THSD7A: variants seen among roughly 807,000 people sequenced by gnomAD.
THSD7A encodes the protein thrombospondin type-1 domain-containing protein 7A.
In THSD7A, 96 loss-of-function variants were observed where a neutral mutation model predicts 231.3. The observed-to-expected ratio is 0.41, with a 90% CI of 0.35 to 0.49. The LOEUF is 0.49. Among genes scored for constraint, THSD7A ranks in the 20% least tolerant of loss-of-function variants. THSD7A has a pLI of 0.05. For synonymous variants in THSD7A, 940 were observed against 743.3 expected, an observed-to-expected ratio of 1.26 and a Z score of -4.30; for missense variants, 2,290 against 2,070.2, an observed-to-expected ratio of 1.11 and a Z score of -2.06.
intron 3 of THSD7A, among the ~76,000 whole-genome samples, chr7:11,592,884 T>A (rs572794214): frequency 6.6e-6 from 1 of 152,210 alleles, no homozygotes; most frequent in Admixed American, 6.5e-5. Context: ...AATAAAATTG[T>A]ATTGGAACAC....
At chr7:11,481,423 A>G (rs1369983644) in intron 7 of THSD7A, among the ~76,000 whole-genome samples, 1 of 152,178 alleles carries the variant, frequency 6.6e-6, no homozygotes, top group Admixed American at 6.5e-5. Flanking sequence ...GATTTTCAAA[A>G]GATAAAACTG....
intron 1 of THSD7A, among the ~76,000 whole-genome samples, chr7:11,701,361 A>T (rs1221448722): frequency 1.3e-5 from 2 of 151,308 alleles, no homozygotes; most frequent in African/African-American, 4.8e-5. Context: ...CCATTTGAAG[A>T]CTGAAGCTCT....
chr7:11,631,672 CA>C (rs1781659634), intron 2 of THSD7A, among the ~76,000 whole-genome samples: 1 of 152,028 alleles, frequency 6.6e-6, no homozygotes, highest in Non-Finnish European at 1.5e-5. Context: ...AAAACAAACA[CA>C]AAAACAAACA....
intron 1 of THSD7A, among the ~76,000 whole-genome samples, chr7:11,737,219 C>A (rs752726181): frequency 8.6e-5 from 13 of 152,006 alleles, no homozygotes; most frequent in Non-Finnish European, 1.6e-4. Context: ...ATTTTATACA[C>A]CTGAATACAA....
chr7:11,683,980 C>T (rs958352697), intron 1 of THSD7A, among the ~76,000 whole-genome samples: 1 of 151,966 alleles, frequency 6.6e-6, no homozygotes, highest in African/African-American at 2.4e-5. Flanking sequence ...CAAATATCCT[C>T]TACAAAATAT....
Position 11,492,366 on chromosome 7 carries a change from A to T in THSD7A, c.1823-10384T>A, listed in dbSNP as rs190460104. On this transcript the variant is annotated intron_variant, in intron 6 of 27. Coordinates refer to ENST00000423059, the MANE Select transcript of THSD7A (RefSeq NM_015204.3). ...ATAAAAATAAAAAGAAAGTATAGTT[A>T]TACCACATATTCCACAGACAGTTAT... is the stretch of plus-strand genomic sequence containing the variant. Among the ~76,000 whole-genome samples, 240 of 152,172 alleles carry T rather than the reference A, an allele frequency of 1.6e-3. 1 individual carries two copies. The highest frequency in any genetic ancestry group is 5.5e-3 in the African/African-American group (229 of 41,548).
At chr7:11,679,797 T>A (rs1053824224) in intron 1 of THSD7A, among the ~76,000 whole-genome samples, 1 of 152,122 alleles carries the variant, frequency 6.6e-6, no homozygotes, top group African/African-American at 2.4e-5. Context: ...TTTAATGCTA[T>A]CCTGATCAAG....
chr7:11,575,104 G>C (rs12699243), intron 4 of THSD7A, among the ~76,000 whole-genome samples: 28,923 of 152,058 alleles, frequency 0.19, 2,888 homozygotes, highest in East Asian at 0.25. Context: ...GTAAATAAAT[G>C]TAAAACACTT....
intron 1 of THSD7A, among the ~76,000 whole-genome samples, chr7:11,698,293 G>A (rs993191129): frequency 6.6e-6 from 1 of 151,204 alleles, no homozygotes; most frequent in Non-Finnish European, 1.5e-5. Context: ...TGTTGGTTGT[G>A]GAGAATTTAA....
At chr7:11,529,448 C>G (rs1484391602) in intron 6 of THSD7A, among the ~76,000 whole-genome samples, 1 of 152,090 alleles carries the variant, frequency 6.6e-6, no homozygotes, top group Non-Finnish European at 1.5e-5. Flanking sequence ...CAAATCTCAT[C>G]TTGAATTGTA....
intron 1 of THSD7A, among the ~76,000 whole-genome samples, chr7:11,753,477 C>T (rs2128165575): frequency 6.6e-6 from 1 of 152,004 alleles, no homozygotes; most frequent in African/African-American, 2.4e-5. Flanking sequence ...ATAGCTTAAA[C>T]TTAGGGGGTG....
rs1377090584 is a variant in THSD7A at position 11,372,750 on chromosome 7, G to C, written c.*3044C>G. 2 of 151,878 alleles carry C rather than the reference G, an allele frequency of 1.3e-5. No homozygotes were observed. The highest frequency in any genetic ancestry group is 4.8e-5 in the African/African-American group (2 of 41,340). 9.4% of individuals were successfully genotyped at this position (151,878 alleles called of 1,614,324 possible). A position where few individuals can be genotyped will look rare whatever the true frequency, so the allele number is the denominator to read the frequency against. On this transcript the variant is annotated 3_prime_UTR_variant, in exon 28 of 28. Coordinates refer to ENST00000423059, the MANE Select transcript of THSD7A (RefSeq NM_015204.3). Reference sequence around the variant, plus strand: ...GTGAGGTAAAAGTGTCAATAGAGAAGTTACTACTATATTCCCCTCCCAAAT... The same window carrying C: ...GTGAGGTAAAAGTGTCAATAGAGAACTTACTACTATATTCCCCTCCCAAAT...
intron 1 of THSD7A, among the ~76,000 whole-genome samples, chr7:11,826,122 T>C (rs941846076): frequency 2.6e-5 from 4 of 152,180 alleles, no homozygotes; most frequent in Admixed American, 6.5e-5. Context: ...AACAAAGGCA[T>C]AATTTTAATG....
chr7:11,620,173 T>C (rs886501711), intron 2 of THSD7A, among the ~76,000 whole-genome samples: 1 of 152,244 alleles, frequency 6.6e-6, no homozygotes, highest in Non-Finnish European at 1.5e-5. Context: ...TTTCCTTGAA[T>C]GTTCAACAAT....
chr7:11,588,316 A>G (rs548430973), intron 4 of THSD7A, among the ~76,000 whole-genome samples: 79 of 152,288 alleles, frequency 5.2e-4, no homozygotes, highest in African/African-American at 1.6e-3. Context: ...AACATAGTCT[A>G]AATTTGGTGG....
At chr7:11,787,589 G>A (rs1238440663) in intron 1 of THSD7A, among the ~76,000 whole-genome samples, 1 of 151,906 alleles carries the variant, frequency 6.6e-6, no homozygotes, top group Non-Finnish European at 1.5e-5. Context: ...ATTAGAAATA[G>A]GCGAAAGACC....
chr7:11,806,296 TTTTC>T (rs1459368436), intron 1 of THSD7A, among the ~76,000 whole-genome samples: 1 of 152,108 alleles, frequency 6.6e-6, no homozygotes, highest in Non-Finnish European at 1.5e-5. Flanking sequence ...CACATACACA[TTTTC>T]TTTATTTTCA....
At chr7:11,647,313 G>A (rs1266399921) in intron 1 of THSD7A, among the ~76,000 whole-genome samples, 3 of 152,018 alleles carry the variant, frequency 2.0e-5, no homozygotes, top group Admixed American at 6.6e-5. Flanking sequence ...TTCCTGAAGT[G>A]ACTCAGGGGA....
intron 6 of THSD7A, among the ~76,000 whole-genome samples, chr7:11,512,834 G>A (rs550002766): frequency 1.3e-5 from 2 of 149,904 alleles, no homozygotes; most frequent in Non-Finnish European, 3.0e-5. Flanking sequence ...TGTAAATGAC[G>A]AGTTAAGGGG....
Sources: allele counts gnomAD v4.1 joint callset (sites outside exome capture counted in the v4.1 genomes callset), GRCh38; gene constraint gnomAD v4.1.1; transcripts MANE v1.5; gene names NCBI Gene and HGNC (gene_info 2026-07-23, HGNC 2026-07-21).